Variants in PLEKHA2 observed in about 807,000 individuals in gnomAD.
PLEKHA2 encodes pleckstrin homology domain containing A2.
In PLEKHA2, 28 loss-of-function variants were observed where a neutral mutation model predicts 53.2. The ratio of observed to expected loss-of-function variants is 0.53; its 90% CI spans 0.39 to 0.72. The LOEUF is 0.72. PLEKHA2 is among the 30% of genes least tolerant of loss of function. The probability of loss-of-function intolerance (pLI) is 0.00; values close to 1 mark genes in which losing one functional copy is unlikely to be tolerated. For synonymous variants in PLEKHA2, 193 were observed against 196.4 expected, an observed-to-expected ratio of 0.98 and a Z score of 0.14; for missense variants, 426 against 537.9, an observed-to-expected ratio of 0.79 and a Z score of 2.06.
At chr8:38,953,515 C>T (rs1834884468) in intron 9 of PLEKHA2, 148 bp downstream of exon 9, 1 of 816,680 alleles carries the variant, frequency 1.2e-6, no homozygotes, top group Non-Finnish European at 2.0e-6. Context: ...TGACTCACTG[C>T]ATCCAAGCTA....
At chr8:38,949,211 A>G (rs1176280897) in intron 5 of PLEKHA2, among the ~76,000 whole-genome samples, 1 of 149,502 alleles carries the variant, frequency 6.7e-6, no homozygotes, top group East Asian at 1.9e-4. Context: ...AAATGACTCA[A>G]CTGTTCTGGA....
intron 10 of PLEKHA2, among the ~76,000 whole-genome samples, chr8:38,968,086 T>C (rs1306419188): frequency 6.6e-6 from 1 of 152,206 alleles, no homozygotes; most frequent in Non-Finnish European, 1.5e-5. Flanking sequence ...AGGCAATACA[T>C]ATCTTAGAGG....
At position 38,950,994 on chromosome 8, in the gene PLEKHA2, A is replaced by AG. The variant is rs1221967955; in HGVS notation, c.486+8dup. 6.6e-7 allele frequency: 1 copy of AG among 1,524,958 alleles called. No homozygotes were observed. The highest frequency in any genetic ancestry group is 1.8e-5 in the Admixed American group (1 of 55,116). The allele number at this position is 1,524,958 out of a possible 1,614,324, so 94.5% of individuals were successfully genotyped here. A position where few individuals can be genotyped will look rare whatever the true frequency, so the allele number is the denominator to read the frequency against. Reference sequence around the variant, plus strand: ...GGTCCACACACCCATCAGCCAGGTGAGGGGCCTGACTGGGGCTGCGGGGGG... The same window carrying AG: ...GGTCCACACACCCATCAGCCAGGTGAGGGGGCCTGACTGGGGCTGCGGGGGG... On this transcript the variant is annotated splice_donor_region_variant and intron_variant, in intron 6 of 11. Coordinates refer to ENST00000617275, the MANE Select transcript of PLEKHA2 (RefSeq NM_021623.2).
At chr8:38,958,310 G>T (rs368317699) in intron 10 of PLEKHA2, among the ~76,000 whole-genome samples, 1 of 146,224 alleles carries the variant, frequency 6.8e-6, no homozygotes, top group Non-Finnish European at 1.5e-5. Flanking sequence ...GTGACAGAGC[G>T]AGACTTTGTC....
At position 38,940,654 on chromosome 8, in the gene PLEKHA2, G is replaced by GGC. The variant is rs1554558324; in HGVS notation, c.199-3134_199-3133insCG. Among the ~76,000 whole-genome samples, 10 of 108,650 alleles carry GGC rather than the reference G, an allele frequency of 9.2e-5. 1 individual carries two copies. The highest frequency in any genetic ancestry group is 3.1e-4 in the African/African-American group (9 of 28,780). The allele number at this position is 108,650 out of a possible 152,430, so 71.3% of individuals were successfully genotyped here. On this transcript the variant is annotated intron_variant, in intron 3 of 11. Coordinates refer to ENST00000617275, the MANE Select transcript of PLEKHA2 (RefSeq NM_021623.2). ...CCGTGGTCCAGATTGAAGGGGCGGG[G>GGC]GGGGGGGGTCAGAAACCCAGGAAGC...
At chr8:38,954,388 T>C (rs1462503233) in intron 9 of PLEKHA2, among the ~76,000 whole-genome samples, 2 of 152,094 alleles carry the variant, frequency 1.3e-5, no homozygotes, top group Admixed American at 1.3e-4. Flanking sequence ...AGAGGGAAGA[T>C]TGGGCATGAT....
chr8:38,921,328 C>T (rs1017017531), intron 2 of PLEKHA2, among the ~76,000 whole-genome samples: 1 of 152,216 alleles, frequency 6.6e-6, no homozygotes, highest in African/African-American at 2.4e-5. Flanking sequence ...CCATGCTTCC[C>T]CACTAGGGCT....
intron 1 of PLEKHA2, among the ~76,000 whole-genome samples, chr8:38,908,224 G>A (rs1327515042): frequency 2.0e-5 from 3 of 152,150 alleles, no homozygotes; most frequent in East Asian, 1.9e-4. Context: ...AGACCAGAGA[G>A]CAAGGGACCA....
chr8:38,968,547 C>T lies in PLEKHA2; in HGVS notation c.838-45C>T, dbSNP rs1187760378. The T allele has an allele frequency of 2.5e-6, 4 of 1,585,800 alleles. No homozygotes were observed. In the African/African-American group the frequency reaches 4.0e-5, roughly 16 times the overall value. Reference sequence around the variant, plus strand: ...GAGTCAGAGACTTGGAAGCTGAAATCATAGTGCCTAAAATTTCTTGGTAAG... The same window carrying T: ...GAGTCAGAGACTTGGAAGCTGAAATTATAGTGCCTAAAATTTCTTGGTAAG... On this transcript the variant is annotated intron_variant, in intron 10 of 11. Coordinates refer to ENST00000617275, the MANE Select transcript of PLEKHA2 (RefSeq NM_021623.2).
chr8:38,916,901 G>T (rs965172017), intron 1 of PLEKHA2, among the ~76,000 whole-genome samples: 13 of 152,066 alleles, frequency 8.5e-5, no homozygotes, highest in Non-Finnish European at 7.4e-5. Flanking sequence ...ACCGTACAAG[G>T]GTTCCCTTTT....
chr8:38,949,324 A>G (rs1440371026), intron 5 of PLEKHA2, among the ~76,000 whole-genome samples: 1 of 152,106 alleles, frequency 6.6e-6, no homozygotes, highest in Non-Finnish European at 1.5e-5. Flanking sequence ...AAACAGGGCA[A>G]CAGGAATGAG....
chr8:38,964,677 G>T (rs1342168068), intron 10 of PLEKHA2, among the ~76,000 whole-genome samples: 1 of 151,318 alleles, frequency 6.6e-6, no homozygotes, highest in Admixed American at 6.6e-5. Context: ...AAGACGTCTG[G>T]TAACATGGAA....
At chr8:38,930,241 A>G (rs574340703) in intron 2 of PLEKHA2, among the ~76,000 whole-genome samples, 1 of 151,872 alleles carries the variant, frequency 6.6e-6, no homozygotes, top group Admixed American at 6.6e-5. Context: ...TGGCTCTGTC[A>G]CCCGGGCTGG....
intron 5 of PLEKHA2, among the ~76,000 whole-genome samples, chr8:38,947,155 G>T (rs1406076851): frequency 1.6e-5 from 2 of 122,810 alleles, no homozygotes; most frequent in African/African-American, 3.0e-5. Context: ...TGGTAAACCC[G>T]TGAAAAGAGA....
chr8:38,918,589 A>T (rs1834119058), intron 2 of PLEKHA2, among the ~76,000 whole-genome samples: 1 of 7,806 alleles, frequency 1.3e-4, no homozygotes, highest in Non-Finnish European at 3.2e-4. Context: ...ACACATGCAC[A>T]CACATCCCAT....
At chr8:38,919,491 G>A (rs1177006461) in intron 2 of PLEKHA2, among the ~76,000 whole-genome samples, 1 of 152,196 alleles carries the variant, frequency 6.6e-6, no homozygotes, top group Non-Finnish European at 1.5e-5. Context: ...GGCTGTGTTG[G>A]GATGAAGAAG....
chr8:38,967,394 G>A (rs1018665866), intron 10 of PLEKHA2, among the ~76,000 whole-genome samples: 4 of 152,152 alleles, frequency 2.6e-5, no homozygotes, highest in Non-Finnish European at 5.9e-5. Context: ...GACCTGAATG[G>A]TAGTTCTATT....
chr8:38,969,301 A>G, intron 11 of PLEKHA2, 120 bp from the exon 12 acceptor site: 2 of 1,204,284 alleles, frequency 1.7e-6, no homozygotes, highest in Non-Finnish European at 1.1e-6. Flanking sequence ...TTTGTAGGCA[A>G]GCATCCTTGG....
chr8:38,926,353 C>T (rs1199279393), intron 2 of PLEKHA2, among the ~76,000 whole-genome samples: 1 of 148,352 alleles, frequency 6.7e-6, no homozygotes, highest in Non-Finnish European at 1.5e-5. Flanking sequence ...GCAAATTTTG[C>T]TAAGGGTAAA....
Sources: allele counts gnomAD v4.1 joint callset (sites outside exome capture counted in the v4.1 genomes callset), GRCh38; gene constraint gnomAD v4.1.1; transcripts MANE v1.5; gene names NCBI Gene and HGNC (gene_info 2026-07-23, HGNC 2026-07-21).